The following STK38L variants were observed in gnomAD, a reference collection of about 807,000 sequenced individuals.
The protein encoded by STK38L is serine/threonine kinase 38 like, also known as serine/threonine-protein kinase 38-like.
STK38L carries 28 observed loss-of-function variants against 59.7 expected under a neutral mutation model. The observed-to-expected ratio is 0.47, with a 90% CI of 0.35 to 0.64. The LOEUF is 0.64. Ranked by LOEUF, STK38L falls within the 30% of genes least tolerant of loss-of-function variation. The pLI is 0.01. For synonymous variants in STK38L, 162 were observed against 176.8 expected (o/e 0.92, Z 0.66); for missense variants, 314 against 555.8 (o/e 0.56, Z 4.37).
intron 12 of STK38L, 88 bp downstream of exon 12, chr12:27,319,511 TA>T: frequency 1.1e-6 from 1 of 872,354 alleles, no homozygotes; most frequent in Non-Finnish European, 1.8e-6. Context: ...TCTGCTAGAT[TA>T]AATACAAAAG....
intron 1 of STK38L, among the ~76,000 whole-genome samples, chr12:27,289,406 A>G (rs1943848198): frequency 6.6e-6 from 1 of 152,240 alleles, no homozygotes; most frequent in Non-Finnish European, 1.5e-5. Flanking sequence ...TGGACCAATA[A>G]ACTCAGGTAT....
At chr12:27,310,460 A>G (rs1451056301) in intron 5 of STK38L, among the ~76,000 whole-genome samples, 1 of 152,202 alleles carries the variant, frequency 6.6e-6, no homozygotes, top group African/African-American at 2.4e-5. Flanking sequence ...GAAGGACAGA[A>G]GGAAGCAGTT....
chr12:27,258,607 GCGTGAGC>G (rs1943138715), intron 1 of STK38L, among the ~76,000 whole-genome samples: 1 of 151,066 alleles, frequency 6.6e-6, no homozygotes, highest in Non-Finnish European at 1.5e-5. Context: ...GGGATTATAG[GCGTGAGC>G]CCCCGTGCCT....
Position 27,308,991 on chromosome 12 carries a change from T to A in STK38L, c.310-123T>A, listed in dbSNP as rs578078228. On this transcript the variant is annotated intron_variant, in intron 4 of 13. Transcript: ENST00000389032. This position sits in a 1 kb window ranked among gnomAD's most constrained non-coding sequence, Gnocchi z 4.5. ...ATATAGATATAAAAATATATAGATA[T>A]ATATATATAAAATTCCTGAAATACC... 5 of 185,038 alleles carry A rather than the reference T, an allele frequency of 2.7e-5. No homozygotes were observed. Among genetic ancestry groups the A allele is most frequent in the Non-Finnish European group, 5.3e-5 (5 of 94,348 alleles). 11.5% of individuals were successfully genotyped at this position (185,038 alleles called of 1,614,324 possible).
chr12:27,302,885 C>T (rs1326414138), intron 3 of STK38L, among the ~76,000 whole-genome samples: 7 of 151,650 alleles, frequency 4.6e-5, no homozygotes, highest in African/African-American at 1.7e-4. Flanking sequence ...CGGTGGCAGG[C>T]GCCTGTAGTC....
intron 1 of STK38L, among the ~76,000 whole-genome samples, chr12:27,277,392 C>CCACACA (rs58648742): frequency 6.1e-5 from 9 of 148,694 alleles, no homozygotes; most frequent in African/African-American, 2.0e-4. Flanking sequence ...CTGGAAGGAA[C>CCACACA]CACACACACA....
chr12:27,305,359 T>C (rs1944284901), intron 3 of STK38L, among the ~76,000 whole-genome samples: 1 of 152,238 alleles, frequency 6.6e-6, no homozygotes, highest in African/African-American at 2.4e-5. Context: ...TAGGAGATGA[T>C]TTTTCCATAA....
intron 1 of STK38L, among the ~76,000 whole-genome samples, chr12:27,273,790 T>C (rs1943473609): frequency 6.6e-6 from 1 of 152,206 alleles, no homozygotes; most frequent in South Asian, 2.1e-4. Context: ...AGCAGGACAT[T>C]GTCTAGATAA....
At chr12:27,281,926 C>T (rs974488139) in intron 1 of STK38L, among the ~76,000 whole-genome samples, 1 of 152,106 alleles carries the variant, frequency 6.6e-6, no homozygotes, top group Non-Finnish European at 1.5e-5. Context: ...ATCCCAGCTA[C>T]TTGGGAGGCT....
chr12:27,267,474 A>G (rs1943323772), intron 1 of STK38L, among the ~76,000 whole-genome samples: 1 of 152,224 alleles, frequency 6.6e-6, no homozygotes, highest in Non-Finnish European at 1.5e-5. Flanking sequence ...TTATAGTCCC[A>G]GCTACTGGTG....
At chr12:27,289,005 G>C (rs562992748) in intron 1 of STK38L, among the ~76,000 whole-genome samples, 1 of 152,020 alleles carries the variant, frequency 6.6e-6, no homozygotes, top group East Asian at 1.9e-4. Context: ...AGTTGGCATT[G>C]ATTTTTTTTT....
At chr12:27,285,821 C>T (rs1003723522) in intron 1 of STK38L, among the ~76,000 whole-genome samples, 1 of 152,196 alleles carries the variant, frequency 6.6e-6, no homozygotes, top group Admixed American at 6.5e-5. Flanking sequence ...TTGTCTCTCT[C>T]TTCTTTGTAT....
chr12:27,305,087 A>G (rs1029581017), intron 3 of STK38L, among the ~76,000 whole-genome samples: 1 of 152,210 alleles, frequency 6.6e-6, no homozygotes, highest in African/African-American at 2.4e-5. Context: ...CAAATTAGGG[A>G]ACCAAGGCTC....
At chr12:27,304,343 A>C (rs1471225523) in intron 3 of STK38L, among the ~76,000 whole-genome samples, 1 of 151,910 alleles carries the variant, frequency 6.6e-6, no homozygotes, top group Non-Finnish European at 1.5e-5. Flanking sequence ...ATCAGTATCT[A>C]ATCTTCCCTG....
chr12:27,279,292 A>T (rs1943602391), intron 1 of STK38L, among the ~76,000 whole-genome samples: 1 of 152,366 alleles, frequency 6.6e-6, no homozygotes, highest in Middle Eastern at 3.4e-3. Flanking sequence ...AAAATAAAAT[A>T]GTTGGTTTAG....
intron 5 of STK38L, among the ~76,000 whole-genome samples, chr12:27,309,606 T>A (rs567956601): frequency 1.3e-5 from 2 of 152,318 alleles, no homozygotes; most frequent in African/African-American, 4.8e-5. Flanking sequence ...GTGAGAACTC[T>A]CTGGTGTCTC....
chr12:27,301,304 G>A lies in STK38L; in HGVS notation c.135-833G>A, dbSNP rs1165858010. On this transcript the variant is annotated intron_variant, in intron 2 of 13. Transcript: ENST00000389032. ...GACAGAGTCTCACTCTGTCGCCCATGCTGGAGTGCAGTGGCACGATCTTGG... is the reference window on the plus strand; with the variant it reads ...GACAGAGTCTCACTCTGTCGCCCATACTGGAGTGCAGTGGCACGATCTTGG... Among the ~76,000 whole-genome samples the A allele has an allele frequency of 2.0e-5, 3 of 152,200 alleles. No individual in the cohort carries two copies. The East Asian group carries it at 5.8e-4, about 29-fold the overall frequency.
At chr12:27,244,854 C>T (rs1942815620) in intron 1 of STK38L, among the ~76,000 whole-genome samples, 1 of 152,208 alleles carries the variant, frequency 6.6e-6, no homozygotes, top group Admixed American at 6.5e-5. Flanking sequence ...CTAGAAGCCA[C>T]GGAGTGCTCA....
At chr12:27,268,189 C>T (rs1381992537) in intron 1 of STK38L, among the ~76,000 whole-genome samples, 1 of 151,878 alleles carries the variant, frequency 6.6e-6, no homozygotes, top group African/African-American at 2.4e-5. Context: ...CATATGTATA[C>T]ATGTGCCATG....
Sources: allele counts gnomAD v4.1 joint callset (sites outside exome capture counted in the v4.1 genomes callset), GRCh38; gene constraint gnomAD v4.1.1; non-coding constraint Gnocchi (gnomAD v3.1); transcripts MANE v1.5; gene names NCBI Gene and HGNC (gene_info 2026-07-23, HGNC 2026-07-21).